Variants in L3MBTL4 observed in about 807,000 individuals in gnomAD.
The protein encoded by L3MBTL4 is lethal(3)malignant brain tumor-like protein 4.
In L3MBTL4, 70 loss-of-function variants were observed where a neutral mutation model predicts 84.5. The observed-to-expected ratio is 0.83, with a 90% CI of 0.68 to 1.01. L3MBTL4 has a LOEUF of 1.01. Ranked by LOEUF, L3MBTL4 falls within the 50% of genes least tolerant of loss-of-function variation. The probability of loss-of-function intolerance (pLI) is 0.00; values close to 1 mark genes in which losing one functional copy is unlikely to be tolerated. For missense variants in L3MBTL4, 715 were observed against 754.8 expected, an observed-to-expected ratio of 0.95 and a Z score of 0.62; for synonymous variants, 274 against 259.8, an observed-to-expected ratio of 1.05 and a Z score of -0.52.
intron 16 of L3MBTL4, among the ~76,000 whole-genome samples, chr18:5,981,418 A>G (rs2053208379): frequency 6.6e-6 from 1 of 152,178 alleles, no homozygotes; most frequent in South Asian, 2.1e-4. Flanking sequence ...AGAATTATGA[A>G]AAAAGAAACA....
At chr18:5,969,684 C>T (rs1479648662) in intron 16 of L3MBTL4, 122 bp from the exon 17 acceptor site, 24 of 908,128 alleles carry the variant, frequency 2.6e-5, no homozygotes, top group Non-Finnish European at 3.3e-5. Context: ...CCAGAACCCG[C>T]GTCTTCTGAT....
chr18:6,189,941 A>AT (rs2044989246), intron 12 of L3MBTL4, among the ~76,000 whole-genome samples: 1 of 152,242 alleles, frequency 6.6e-6, no homozygotes, highest in Non-Finnish European at 1.5e-5. Flanking sequence ...GAGAGGAGAT[A>AT]GAAAATGGGC....
At chr18:6,190,477 C>G (rs2045021783) in intron 12 of L3MBTL4, among the ~76,000 whole-genome samples, 1 of 151,998 alleles carries the variant, frequency 6.6e-6, no homozygotes, top group Admixed American at 6.6e-5. Flanking sequence ...AAATATTTGC[C>G]CCATTATGAC....
At chr18:5,981,998 G>GTGTGTGTGTGTGTT (rs1555622580) in intron 16 of L3MBTL4, among the ~76,000 whole-genome samples, 33 of 128,682 alleles carry the variant, frequency 2.6e-4, no homozygotes, top group African/African-American at 7.9e-4. Flanking sequence ...GTGTGTGTGT[G>GTGTGTGTGTGTGTT]TGTGTGTGTG....
At chr18:6,091,002 A>G (rs2058436627) in intron 15 of L3MBTL4, among the ~76,000 whole-genome samples, 1 of 152,158 alleles carries the variant, frequency 6.6e-6, no homozygotes, top group African/African-American at 2.4e-5. Context: ...ATTTTTGGAC[A>G]GCAGCCAAGT....
chr18:5,961,920 G>C (rs1020355394), intron 17 of L3MBTL4, among the ~76,000 whole-genome samples: 1 of 152,184 alleles, frequency 6.6e-6, no homozygotes, highest in Non-Finnish European at 1.5e-5. Context: ...AGTGCTGTTG[G>C]TGGCAGATGG....
chr18:6,369,794 C>T (rs1478102123), intron 1 of L3MBTL4, among the ~76,000 whole-genome samples: 20 of 152,096 alleles, frequency 1.3e-4, no homozygotes, highest in Admixed American at 1.2e-3. Context: ...GCAAAGTAAC[C>T]AGCAGTTTCT....
intron 17 of L3MBTL4, among the ~76,000 whole-genome samples, chr18:5,966,738 A>T (rs191359987): frequency 6.6e-6 from 1 of 151,380 alleles, no homozygotes; most frequent in African/African-American, 2.4e-5. Context: ...CTTTGCCCCA[A>T]ATTTCACTTC....
At chr18:5,969,153 G>C (rs1295266338) in intron 17 of L3MBTL4, among the ~76,000 whole-genome samples, 1 of 152,150 alleles carries the variant, frequency 6.6e-6, no homozygotes, top group Non-Finnish European at 1.5e-5. Flanking sequence ...GGGGGCACTG[G>C]AATAAGGCTG....
intron 1 of L3MBTL4, among the ~76,000 whole-genome samples, chr18:6,317,828 A>G (rs2051187163): frequency 6.6e-6 from 1 of 152,184 alleles, no homozygotes; most frequent in Admixed American, 6.5e-5. Context: ...AACATGAAGG[A>G]AAGAATTCTA....
chr18:6,295,338 C>CTATA (rs1397490274), intron 4 of L3MBTL4, among the ~76,000 whole-genome samples: 5 of 126,524 alleles, frequency 4.0e-5, no homozygotes, highest in African/African-American at 7.1e-5. Context: ...CTCTCTCTCT[C>CTATA]TCTCTCTCTA....
At chr18:6,354,546 T>C (rs28784643) in intron 1 of L3MBTL4, among the ~76,000 whole-genome samples, 1,909 of 152,196 alleles carry the variant, frequency 0.013, 43 homozygotes, top group African/African-American at 0.043. Context: ...AAGGAACTAA[T>C]AACCAGAATA....
At chr18:6,364,316 TAATA>T (rs1338507456) in intron 1 of L3MBTL4, among the ~76,000 whole-genome samples, 2 of 152,132 alleles carry the variant, frequency 1.3e-5, no homozygotes, top group South Asian at 4.1e-4. Flanking sequence ...TTAAATAAAC[TAATA>T]AATATTCTTA....
At chr18:6,052,775 G>A (rs186264069) in intron 16 of L3MBTL4, among the ~76,000 whole-genome samples, 193 of 152,328 alleles carry the variant, frequency 1.3e-3, no homozygotes, top group Non-Finnish European at 2.2e-3. Flanking sequence ...GACTCAGTGC[G>A]TTAGTAGGCT....
At chr18:6,309,773 A>G (rs2050744948) in intron 3 of L3MBTL4, among the ~76,000 whole-genome samples, 1 of 152,232 alleles carries the variant, frequency 6.6e-6, no homozygotes. Context: ...GTACTAAGAT[A>G]GGGGGGTAAC....
intron 1 of L3MBTL4, among the ~76,000 whole-genome samples, chr18:6,410,167 C>CG (rs1486725132): frequency 6.6e-6 from 1 of 152,218 alleles, no homozygotes; most frequent in Non-Finnish European, 1.5e-5. Flanking sequence ...GTCTCAGGGC[C>CG]GTCTCTCCTT....
chr18:6,079,407 G>A (rs1327217991), intron 16 of L3MBTL4, among the ~76,000 whole-genome samples: 4 of 152,106 alleles, frequency 2.6e-5, no homozygotes, highest in Non-Finnish European at 5.9e-5. Flanking sequence ...GTGAGGAAAC[G>A]GATATGTTTA....
intron 16 of L3MBTL4, among the ~76,000 whole-genome samples, chr18:6,045,376 T>C (rs528500444): frequency 6.6e-6 from 1 of 152,314 alleles, no homozygotes; most frequent in African/African-American, 2.4e-5. Context: ...CAAGAGATCC[T>C]TAAGGAAGGT....
In L3MBTL4 at chr18:5,955,719, T is replaced by C. The variant is rs2095223231; in HGVS notation, c.*501A>G. On this transcript the variant is annotated 3_prime_UTR_variant, in exon 19 of 19. Transcript: ENST00000317931. The stretch of plus-strand genomic sequence containing the variant: ...CTTTCCTGAGTAAAGTACACAAAAA[T>C]CTCACATGAAGTCTTTTGAAAGCAC... The C allele has an allele frequency of 2.0e-5, 3 of 152,382 alleles. No individual in the cohort carries two copies. Among genetic ancestry groups the C allele is most frequent in the Non-Finnish European group, 4.4e-5 (3 of 68,144 alleles). The allele number at this position is 152,382 out of a possible 1,614,324, so 9.4% of individuals were successfully genotyped here. A position where few individuals can be genotyped will look rare whatever the true frequency, so the allele number is the denominator to read the frequency against.
Sources: allele counts gnomAD v4.1 joint callset (sites outside exome capture counted in the v4.1 genomes callset), GRCh38; gene constraint gnomAD v4.1.1; transcripts MANE v1.5; gene names NCBI Gene and HGNC (gene_info 2026-07-23, HGNC 2026-07-21).